The following SMOC2 variants were observed in gnomAD, a reference collection of about 807,000 sequenced individuals.
SMOC2 encodes the protein SPARC related modular calcium binding 2.
A neutral mutation model predicts 61.4 loss-of-function variants in SMOC2; 39 were observed. The observed-to-expected ratio is 0.64, with a 90% CI of 0.49 to 0.83. The LOEUF (loss-of-function observed/expected upper bound fraction) is 0.83, where lower values mean the gene tolerates loss of function less well. Among genes scored for constraint, SMOC2 ranks in the 40% least tolerant of loss-of-function variants. The pLI, the probability that SMOC2 is intolerant of heterozygous loss-of-function variation, is 0.00. For missense variants in SMOC2, 556 were observed against 592.9 expected, an observed-to-expected ratio of 0.94 and a Z score of 0.65; for synonymous variants, 247 against 239.9, an observed-to-expected ratio of 1.03 and a Z score of -0.27.
intron 2 of SMOC2, among the ~76,000 whole-genome samples, chr6:168,510,694 C>A (rs939577120): frequency 2.6e-5 from 4 of 152,276 alleles, no homozygotes; most frequent in Admixed American, 1.3e-4. Context: ...CATCATCTGG[C>A]AGTTAGCTTC....
intron 8 of SMOC2, among the ~76,000 whole-genome samples, chr6:168,600,755 C>T (rs1785531779): frequency 6.6e-6 from 1 of 152,160 alleles, no homozygotes; most frequent in African/African-American, 2.4e-5. Context: ...ATATGTGTGC[C>T]CCAAATTTAT....
chr6:168,540,348 T>C (rs1431153622), intron 4 of SMOC2, among the ~76,000 whole-genome samples: 2 of 152,196 alleles, frequency 1.3e-5, no homozygotes, highest in Admixed American at 6.5e-5. Flanking sequence ...AGGGGACCTC[T>C]CCCCAGCTGC....
At position 168,452,372 on chromosome 6, in the gene SMOC2, G is replaced by T. The variant is rs1409846397; in HGVS notation, c.84+10918G>T. On this transcript the variant is annotated intron_variant, in intron 1 of 12. Coordinates refer to ENST00000356284, the MANE Select transcript of SMOC2 (RefSeq NM_001166412.2). The surrounding 1 kb of genome is among the most constrained non-coding windows in gnomAD (Gnocchi z 5.0). ...TTAAAATAACCAGAGTAAGCAGGGG[G>T]AGTGTGAGGCGGGCTGCCTGCCTGG... Among the ~76,000 whole-genome samples the T allele has an allele frequency of 2.0e-5, 3 of 152,220 alleles. No individual in the cohort carries two copies. The highest frequency in any genetic ancestry group is 1.5e-5 in the Non-Finnish European group (1 of 68,048).
At chr6:168,505,506 A>C (rs1782853242) in intron 1 of SMOC2, among the ~76,000 whole-genome samples, 1 of 152,116 alleles carries the variant, frequency 6.6e-6, no homozygotes, top group Admixed American at 6.5e-5. Context: ...CGTCTCTCAG[A>C]TGCCGGATGA....
intron 1 of SMOC2, among the ~76,000 whole-genome samples, chr6:168,509,257 G>A (rs567839680): frequency 6.6e-6 from 1 of 152,356 alleles, no homozygotes; most frequent in South Asian, 2.1e-4. Context: ...GATTTCTATG[G>A]CCTGCGGAGA....
chr6:168,653,453 G>T (rs1054764426), intron 11 of SMOC2, among the ~76,000 whole-genome samples: 2 of 152,272 alleles, frequency 1.3e-5, no homozygotes, highest in African/African-American at 2.4e-5. Flanking sequence ...GGCATGAACT[G>T]CGTGTTGGTT....
At chr6:168,506,130 C>T (rs1782867408) in intron 1 of SMOC2, among the ~76,000 whole-genome samples, 1 of 152,102 alleles carries the variant, frequency 6.6e-6, no homozygotes, top group African/African-American at 2.4e-5. Flanking sequence ...ACCTCAGCCT[C>T]CTAAGTAGCT....
chr6:168,472,115 C>A (rs199545607), intron 1 of SMOC2, among the ~76,000 whole-genome samples: 1 of 152,192 alleles, frequency 6.6e-6, no homozygotes, highest in Non-Finnish European at 1.5e-5. Flanking sequence ...GCCAGGAAAT[C>A]ATTGCCAAAG....
chr6:168,526,185 G>T (rs961721507), intron 2 of SMOC2, among the ~76,000 whole-genome samples, 161 bp from the exon 3 acceptor site: 3 of 152,232 alleles, frequency 2.0e-5, no homozygotes, highest in Admixed American at 1.3e-4. Context: ...TTCTTCTGAG[G>T]CTCCCTTTTC....
rs540976336 is a variant in SMOC2, at chr6:168,599,640, CCA to C, written c.824+644_824+645del. ...ACACTCATACCACACACACCCACAC[CCA>C]CACACACTCATACCCACACTCACAC... is the stretch of plus-strand genomic sequence containing the variant. On this transcript the variant is annotated intron_variant, in intron 8 of 12. Coordinates refer to ENST00000356284, the MANE Select transcript of SMOC2 (RefSeq NM_001166412.2). Among the ~76,000 whole-genome samples, 338 of 118,360 alleles carry C rather than the reference CCA, an allele frequency of 2.9e-3. 4 individuals carry two copies. Among genetic ancestry groups the C allele is most frequent in the African/African-American group, 0.01 (325 of 31,114 alleles). The allele number at this position is 118,360 out of a possible 152,430, so 77.6% of individuals were successfully genotyped here.
Position 168,631,420 on chromosome 6 carries a change from G to T in SMOC2, c.908-19261G>T, listed in dbSNP as rs190846339. Among the ~76,000 whole-genome samples, 207 of 152,296 alleles carry T rather than the reference G, an allele frequency of 1.4e-3. 1 individual carries two copies. The highest frequency in any genetic ancestry group is 4.3e-3 in the African/African-American group (180 of 41,540). On this transcript the variant is annotated intron_variant, in intron 9 of 12. Transcript: ENST00000356284. ...GAAACTTAGAGGACAGGAAAGGTTC[G>T]GCTCTGCAGGACTAGGCAATGAGTG...
At chr6:168,547,480 C>G (rs1360000313) in intron 6 of SMOC2, among the ~76,000 whole-genome samples, 1 of 151,940 alleles carries the variant, frequency 6.6e-6, no homozygotes. Context: ...GTGGGATGGA[C>G]AAGTCCACAC....
chr6:168,551,119 T>C (rs906162507), intron 7 of SMOC2, among the ~76,000 whole-genome samples: 22 of 152,334 alleles, frequency 1.4e-4, no homozygotes, highest in African/African-American at 4.6e-4. Flanking sequence ...CTGGTGGTTT[T>C]ATACTGGGCT....
At chr6:168,591,153 C>T (rs1217179630) in intron 7 of SMOC2, among the ~76,000 whole-genome samples, 1 of 152,290 alleles carries the variant, frequency 6.6e-6, no homozygotes, top group African/African-American at 2.4e-5. Flanking sequence ...ATGGGAATCA[C>T]ATTGCTAGCC....
intron 1 of SMOC2, among the ~76,000 whole-genome samples, chr6:168,503,267 G>A (rs572197971): frequency 3.3e-5 from 5 of 150,768 alleles, no homozygotes; most frequent in African/African-American, 7.3e-5. Flanking sequence ...TAGTAGAGAC[G>A]GGGTTTCAGC....
chr6:168,468,465 C>G (rs527689378), intron 1 of SMOC2, among the ~76,000 whole-genome samples: 10 of 152,366 alleles, frequency 6.6e-5, no homozygotes, highest in Admixed American at 5.2e-4. Flanking sequence ...CGTCCCCCAC[C>G]GACTGCCTTC....
intron 1 of SMOC2, among the ~76,000 whole-genome samples, chr6:168,490,945 G>T (rs570853650): frequency 6.6e-6 from 1 of 152,130 alleles, no homozygotes; most frequent in African/African-American, 2.4e-5. Context: ...CAGCGGGGGC[G>T]GCTGGTCTCA....
intron 7 of SMOC2, among the ~76,000 whole-genome samples, chr6:168,566,659 T>G (rs145433066): frequency 6.6e-6 from 1 of 152,084 alleles, no homozygotes; most frequent in Admixed American, 6.6e-5. Context: ...TTTTTTGTAT[T>G]TTTAGTAGCA....
At chr6:168,441,480 A>T (rs1279817265) in intron 1 of SMOC2, 26 bp downstream of exon 1, 1 of 1,481,400 alleles carries the variant, frequency 6.8e-7, no homozygotes, top group Non-Finnish European at 8.9e-7. Flanking sequence ...CGGGACCTGG[A>T]GCTCAAGTGG....
Sources: allele counts gnomAD v4.1 joint callset (sites outside exome capture counted in the v4.1 genomes callset), GRCh38; gene constraint gnomAD v4.1.1; non-coding constraint Gnocchi (gnomAD v3.1); transcripts MANE v1.5; gene names NCBI Gene and HGNC (gene_info 2026-07-23, HGNC 2026-07-21).